MICAL2: variants seen among roughly 807,000 people sequenced by gnomAD.
MICAL2 encodes the protein microtubule associated monooxygenase, calponin and LIM domain containing 2.
MICAL2 carries 77 observed loss-of-function variants against 127.3 expected under a neutral mutation model. That is an observed-to-expected ratio of 0.60 (90% CI 0.50 to 0.73). The LOEUF is 0.73. Ranked by LOEUF, MICAL2 falls within the 30% of genes least tolerant of loss-of-function variation. MICAL2 has a pLI of 0.00. For missense variants in MICAL2, 1,351 were observed against 1,434.4 expected (o/e 0.94, Z 0.94); for synonymous variants, 570 against 551.1 (o/e 1.03, Z -0.48).
intron 30 of MICAL2, among the ~76,000 whole-genome samples, chr11:12,323,148 G>T (rs7948473): frequency 0.87 from 132,941 of 152,194 alleles, 58,146 homozygotes; most frequent in Admixed American, 0.9. Flanking sequence ...ACTTCTTTTT[G>T]CTCTTGTGTC....
chr11:12,150,469 G>C (rs1043478351), intron 2 of MICAL2, among the ~76,000 whole-genome samples: 1 of 151,984 alleles, frequency 6.6e-6, no homozygotes, highest in African/African-American at 2.4e-5. Context: ...ACAAAACATA[G>C]GGGATCTTTG....
In MICAL2 at chr11:12,216,119, C is replaced by T. The variant is rs1237081627; in HGVS notation, c.848-100C>T. On this transcript the variant is annotated intron_variant, in intron 7 of 27. Transcript: ENST00000683283. ...AAACTGGTCTAACATGAATATTCTGCAGATAAATAACAAGACCAATAGTGA... is the reference window on the plus strand; with the variant it reads ...AAACTGGTCTAACATGAATATTCTGTAGATAAATAACAAGACCAATAGTGA... 6 of 846,282 alleles carry T rather than the reference C, an allele frequency of 7.1e-6. No individual in the cohort carries two copies. In the East Asian group the frequency reaches 1.3e-4, roughly 18 times the overall value. The allele number at this position is 846,282 out of a possible 1,614,324, so 52.4% of individuals were successfully genotyped here.
intron 29 of MICAL2, among the ~76,000 whole-genome samples, chr11:12,302,374 C>G (rs1211321282): frequency 6.6e-6 from 1 of 152,174 alleles, no homozygotes; most frequent in African/African-American, 2.4e-5. Flanking sequence ...TGTATATACT[C>G]TCAGCAGGGA....
At chr11:12,224,952 T>G in intron 13 of MICAL2, 132 bp downstream of exon 13, 1 of 1,166,482 alleles carries the variant, frequency 8.6e-7, no homozygotes, top group Non-Finnish European at 1.2e-6. Context: ...TTAACATTTG[T>G]TCTTTTCCCT....
intron 1 of MICAL2, among the ~76,000 whole-genome samples, chr11:12,121,037 G>A (rs1257988531): frequency 6.6e-6 from 1 of 152,232 alleles, no homozygotes; most frequent in African/African-American, 2.4e-5. Context: ...GAGTCTGCAA[G>A]CAAAATGTTG....
chr11:12,260,325 G>A (rs535262469), intron 26 of MICAL2: 1 of 1,416,454 alleles, frequency 7.1e-7, no homozygotes, highest in Admixed American at 3.0e-5. Flanking sequence ...CCTCCGCCTG[G>A]CCTTATCAGG....
chr11:12,236,296 G>T, intron 16 of MICAL2, 51 bp downstream of exon 16: 1 of 1,541,552 alleles, frequency 6.5e-7, no homozygotes, highest in Non-Finnish European at 9.0e-7. Flanking sequence ...CTGACAACCA[G>T]TGGCCACAGG....
intron 15 of MICAL2, among the ~76,000 whole-genome samples, chr11:12,233,858 A>G (rs1027000810): frequency 6.6e-6 from 1 of 152,234 alleles, no homozygotes; most frequent in African/African-American, 2.4e-5. Flanking sequence ...TGGTTCACAA[A>G]TATAGATATA....
At chr11:12,159,411 G>T (rs897655437) in intron 2 of MICAL2, among the ~76,000 whole-genome samples, 1 of 152,182 alleles carries the variant, frequency 6.6e-6, no homozygotes, top group Non-Finnish European at 1.5e-5. Context: ...TGCCTCCTGT[G>T]GTAGATGCAG....
intron 34 of MICAL2, among the ~76,000 whole-genome samples, chr11:12,357,480 T>A (rs1169387709): frequency 6.6e-6 from 1 of 152,166 alleles, no homozygotes; most frequent in Non-Finnish European, 1.5e-5. Context: ...TATCAGACAG[T>A]TGTAGCCTCA....
chr11:12,162,909 G>A (rs959427751), intron 3 of MICAL2, among the ~76,000 whole-genome samples: 1 of 152,200 alleles, frequency 6.6e-6, no homozygotes, highest in Non-Finnish European at 1.5e-5. Flanking sequence ...AAATCTCAGG[G>A]AGAGGCATAG....
upstream of MICAL2, chr11:12,274,491 A>G (rs1029155970): frequency 6.6e-6 from 1 of 152,238 alleles, no homozygotes; most frequent in Non-Finnish European, 1.5e-5. Context: ...GGGAATGGAG[A>G]GCACTGAGGC....
Position 12,131,769 on chromosome 11 carries a change from G to T in MICAL2, c.-148-6621G>T, listed in dbSNP as rs73412282. Among the ~76,000 whole-genome samples, 686 of 152,234 alleles carry T rather than the reference G, an allele frequency of 4.5e-3. 5 individuals carry two copies. Among genetic ancestry groups the T allele is most frequent in the African/African-American group, 0.015 (641 of 41,534 alleles). ...GTCCTAGCTCTGTTTTTTATGAGCT[G>T]TGTGACTTTGGGTAAGTGTTTTCAT... On this transcript the variant is annotated intron_variant, in intron 1 of 27. Transcript: ENST00000683283.
intron 1 of MICAL2, among the ~76,000 whole-genome samples, chr11:12,126,237 G>A (rs1850911591): frequency 6.6e-6 from 1 of 152,224 alleles, no homozygotes; most frequent in African/African-American, 2.4e-5. Flanking sequence ...TCTGCTGTCA[G>A]TCACTTAAAA....
chr11:12,120,346 G>T (rs189507811), intron 1 of MICAL2, among the ~76,000 whole-genome samples: 7 of 152,348 alleles, frequency 4.6e-5, no homozygotes, highest in African/African-American at 1.7e-4. Context: ...GGAGGAGGAG[G>T]GAATCCTGAG....
chr11:12,285,648 A>T (rs1287939909), intron 2 of MICAL2, among the ~76,000 whole-genome samples: 1 of 152,208 alleles, frequency 6.6e-6, no homozygotes, highest in East Asian at 1.9e-4. Flanking sequence ...GGAGTAAGGG[A>T]AAGAGAGGAG....
At chr11:12,170,602 A>G (rs1185745160) in intron 3 of MICAL2, among the ~76,000 whole-genome samples, 1 of 152,136 alleles carries the variant, frequency 6.6e-6, no homozygotes, top group Non-Finnish European at 1.5e-5. Flanking sequence ...CCCATGGAGG[A>G]TCTGTCCTAT....
At chr11:12,262,830 C>T (rs181890450) in intron 27 of MICAL2, 11 of 321,154 alleles carry the variant, frequency 3.4e-5, no homozygotes, top group South Asian at 1.3e-4. Flanking sequence ...GTTGCGTCTG[C>T]GAAGCTACCT....
chr11:12,315,197 C>T (rs952960634), intron 29 of MICAL2, among the ~76,000 whole-genome samples: 1 of 152,154 alleles, frequency 6.6e-6, no homozygotes, highest in Non-Finnish European at 1.5e-5. Context: ...TGTTTCTCTT[C>T]AAAGTCAATT....
Sources: gnomAD v4.1 joint callset for allele counts (sites outside exome capture counted in the v4.1 genomes callset) on GRCh38, gnomAD v4.1.1 for gene constraint, MANE v1.5 for transcripts, NCBI Gene and HGNC (gene_info 2026-07-23, HGNC 2026-07-21) for gene names.